Variants in SLIT1 observed in about 807,000 individuals in gnomAD.
The protein encoded by SLIT1 is slit guidance ligand 1, also known as slit homolog 1 protein.
SLIT1 carries 66 observed loss-of-function variants against 186.1 expected under a neutral mutation model. The observed-to-expected ratio is 0.35, with a 90% confidence interval of 0.29 to 0.44. The LOEUF is 0.44. Ranked by LOEUF, SLIT1 falls within the 20% of genes least tolerant of loss-of-function variation. SLIT1 has a pLI of 1.00. For missense variants in SLIT1, 1,638 were observed against 2,037.4 expected, an observed-to-expected ratio of 0.80 and a Z score of 3.77; for synonymous variants, 761 against 833.8, an observed-to-expected ratio of 0.91 and a Z score of 1.50.
At chr10:97,032,308 C>A (rs915071173) in intron 23 of SLIT1, among the ~76,000 whole-genome samples, 23 of 152,182 alleles carry the variant, frequency 1.5e-4, no homozygotes, top group Non-Finnish European at 2.4e-4. Context: ...GTGGCTGACT[C>A]TTGTAATCCC....
At chr10:97,118,571 C>T (rs1332660119) in intron 4 of SLIT1, among the ~76,000 whole-genome samples, 3 of 152,152 alleles carry the variant, frequency 2.0e-5, no homozygotes, top group African/African-American at 7.2e-5. Context: ...ATAGAAAAGG[C>T]GAAGGTATGA....
At chr10:97,060,521 C>A in intron 9 of SLIT1, 119 bp downstream of exon 9, 1 of 1,240,686 alleles carries the variant, frequency 8.1e-7, no homozygotes, top group Non-Finnish European at 1.1e-6. Context: ...GTCTTCTCTA[C>A]GGCCACTGAG....
intron 28 of SLIT1, among the ~76,000 whole-genome samples, chr10:97,015,415 G>A (rs944004857): frequency 3.9e-5 from 6 of 152,226 alleles, no homozygotes. Context: ...CTTGATGACA[G>A]GTCACTGTGG....
At chr10:97,017,376 G>A (rs1020668249) in intron 28 of SLIT1, among the ~76,000 whole-genome samples, 4 of 152,218 alleles carry the variant, frequency 2.6e-5, no homozygotes, top group Admixed American at 6.5e-5. Context: ...CATCATTTTC[G>A]GAAGAGCCAA....
intron 2 of SLIT1, 85 bp downstream of exon 2, chr10:97,164,734 C>A: frequency 9.6e-7 from 1 of 1,038,128 alleles, no homozygotes; most frequent in Non-Finnish European, 1.5e-6. Context: ...GACAGCCCAC[C>A]ACCCTACCAC....
intron 28 of SLIT1, among the ~76,000 whole-genome samples, chr10:97,015,864 C>T (rs1439167954): frequency 6.6e-6 from 1 of 151,496 alleles, no homozygotes; most frequent in African/African-American, 2.4e-5. Context: ...TGGCAGAGTA[C>T]TCAAGAAAAG....
intron 4 of SLIT1, among the ~76,000 whole-genome samples, chr10:97,134,459 C>T (rs1331645716): frequency 1.3e-5 from 2 of 152,168 alleles, no homozygotes; most frequent in Non-Finnish European, 2.9e-5. Flanking sequence ...TCTCTCTGCG[C>T]CCCTGGGTAG....
At chr10:97,129,901 G>A (rs572788829) in intron 4 of SLIT1, among the ~76,000 whole-genome samples, 3 of 151,964 alleles carry the variant, frequency 2.0e-5, no homozygotes, top group East Asian at 3.9e-4. Flanking sequence ...CCAGCCAGAC[G>A]CTCTCTCAAG....
chr10:97,130,123 T>A (rs1439123077), intron 4 of SLIT1, among the ~76,000 whole-genome samples: 4 of 152,222 alleles, frequency 2.6e-5, no homozygotes, highest in African/African-American at 9.6e-5. Flanking sequence ...AGTGGGCTGA[T>A]GAACAAAATT....
At chr10:97,025,141 G>A (rs1184776074) in intron 25 of SLIT1, among the ~76,000 whole-genome samples, 1 of 152,120 alleles carries the variant, frequency 6.6e-6, no homozygotes, top group Non-Finnish European at 1.5e-5. Context: ...ATGGTGACAG[G>A]CGCCTGTAAT....
intron 23 of SLIT1, among the ~76,000 whole-genome samples, chr10:97,033,361 C>T (rs1848609034): frequency 6.6e-6 from 1 of 152,114 alleles, no homozygotes; most frequent in Non-Finnish European, 1.5e-5. Flanking sequence ...TTTTACACAC[C>T]AGGCAAATAT....
chr10:97,035,484 T>A (rs1848631255), intron 22 of SLIT1, among the ~76,000 whole-genome samples: 1 of 152,166 alleles, frequency 6.6e-6, no homozygotes, highest in African/African-American at 2.4e-5. Context: ...ATCCCACCCA[T>A]CTGATCCGCC....
At chr10:97,065,842 T>A (rs1848939662) in intron 5 of SLIT1, among the ~76,000 whole-genome samples, 173 bp downstream of exon 5, 1 of 152,146 alleles carries the variant, frequency 6.6e-6, no homozygotes, top group South Asian at 2.1e-4. Flanking sequence ...GGGCTGCCTG[T>A]TTCCTCCAAC....
chr10:97,164,984 GC>G, intron 1 of SLIT1, 94 bp from the exon 2 acceptor site: 1 of 922,128 alleles, frequency 1.1e-6, no homozygotes, highest in Non-Finnish European at 1.8e-6. Flanking sequence ...GCCTGGATCA[GC>G]CAGTCGTCTC....
At chr10:97,177,962 CA>C (rs563353184) in intron 1 of SLIT1, among the ~76,000 whole-genome samples, 1 of 151,882 alleles carries the variant, frequency 6.6e-6, no homozygotes, top group Non-Finnish European at 1.5e-5. Flanking sequence ...GGCAACAGAG[CA>C]AAAACTCCAT....
chr10:97,062,303 A>G (rs988886834), intron 8 of SLIT1, among the ~76,000 whole-genome samples: 5 of 152,128 alleles, frequency 3.3e-5, no homozygotes, highest in African/African-American at 1.2e-4. Flanking sequence ...TGCCAGTGCA[A>G]TGGAGGAGGT....
intron 31 of SLIT1, among the ~76,000 whole-genome samples, chr10:97,008,539 A>G (rs1442693843): frequency 6.6e-6 from 1 of 152,148 alleles, no homozygotes; most frequent in East Asian, 1.9e-4. Context: ...TACTAAAAAT[A>G]CAAAAAATTA....
In SLIT1 at chr10:97,147,124, C is replaced by T. The variant is rs1035478032; in HGVS notation, c.413+10694G>A. Among the ~76,000 whole-genome samples the T allele has an allele frequency of 4.6e-5, 7 of 152,024 alleles. No individual in the cohort carries two copies. The South Asian group carries it at 8.3e-4, about 18-fold the overall frequency. On this transcript the variant is annotated intron_variant, in intron 4 of 36. Coordinates refer to ENST00000266058, the MANE Select transcript of SLIT1 (RefSeq NM_003061.3). ...AAAAAAATGACATTTTGATATGTGC[C>T]GCAACGTGGATGGACCTCAAAAGTG...
intron 4 of SLIT1, among the ~76,000 whole-genome samples, chr10:97,106,550 G>C (rs536843083): frequency 1.8e-4 from 28 of 152,282 alleles, no homozygotes; most frequent in African/African-American, 6.3e-4. Context: ...TGCAGCGCAA[G>C]TGTTATTTCA....
Sources: allele counts gnomAD v4.1 joint callset (sites outside exome capture counted in the v4.1 genomes callset), GRCh38; gene constraint gnomAD v4.1.1; transcripts MANE v1.5; gene names NCBI Gene and HGNC (gene_info 2026-07-23, HGNC 2026-07-21).